Variants in NLRP5 observed in about 807,000 individuals in gnomAD.
NLRP5 encodes NLR family pyrin domain containing 5.
In NLRP5, 93 loss-of-function variants were observed where a neutral mutation model predicts 113.1. That is an observed-to-expected ratio of 0.82 (90% CI 0.70 to 0.98). NLRP5 has a LOEUF of 0.98. Ranked by LOEUF, NLRP5 falls within the 50% of genes least tolerant of loss-of-function variation. The pLI, the probability that NLRP5 is intolerant of heterozygous loss-of-function variation, is 0.00. For synonymous variants in NLRP5, 751 were observed against 600.7 expected, an observed-to-expected ratio of 1.25 and a Z score of -3.66; for missense variants, 1,808 against 1,514.3, an observed-to-expected ratio of 1.19 and a Z score of -3.22.
At chr19:56,000,457 C>G (rs550914135) in intron 1 of NLRP5, among the ~76,000 whole-genome samples, 1 of 152,096 alleles carries the variant, frequency 6.6e-6, no homozygotes, top group African/African-American at 2.4e-5. Flanking sequence ...CTCCGACTCC[C>G]GGGTTCACAC....
intron 10 of NLRP5, among the ~76,000 whole-genome samples, chr19:56,039,136 T>TG (rs61311664): frequency 0.19 from 28,501 of 152,142 alleles, 2,985 homozygotes; most frequent in East Asian, 0.29. Context: ...GAGCAGGTGC[T>TG]GTTGATAACC....
upstream of NLRP5, among the ~76,000 whole-genome samples, chr19:55,995,191 AC>A (rs1213364445): frequency 6.6e-6 from 1 of 152,076 alleles, no homozygotes; most frequent in Non-Finnish European, 1.5e-5. Flanking sequence ...GGGGAACATC[AC>A]ACACTGGGGC....
chr19:56,022,268 G>C (rs2123295837), intron 6 of NLRP5, among the ~76,000 whole-genome samples: 1 of 152,256 alleles, frequency 6.6e-6, no homozygotes, highest in African/African-American at 2.4e-5. Context: ...CGCCCAGGCT[G>C]AAGTACAGTG....
At chr19:56,060,483 T>G (rs1984310027) in intron 14 of NLRP5, among the ~76,000 whole-genome samples, 1 of 152,166 alleles carries the variant, frequency 6.6e-6, no homozygotes, top group Admixed American at 6.5e-5. Context: ...AATGACGTTC[T>G]TCGAGAATCT....
rs1481641322 is a variant in NLRP5 at position 56,055,804 on chromosome 19, CA to C, written c.3299+1999del. Among the ~76,000 whole-genome samples, 3 of 152,018 alleles carry C rather than the reference CA, an allele frequency of 2.0e-5. No individual in the cohort carries two copies. The East Asian group carries it at 5.8e-4, about 29-fold the overall frequency. ...TCATGATCTGCCCGCCTTGGCCTCC[CA>C]AAGTGCTGGGATTACAGGCATAAGC... is the stretch of plus-strand genomic sequence containing the variant. On this transcript the variant is annotated intron_variant, in intron 13 of 14. Transcript: ENST00000390649.
intron 3 of NLRP5, among the ~76,000 whole-genome samples, chr19:56,009,849 G>C (rs1447755017): frequency 6.6e-6 from 1 of 152,140 alleles, no homozygotes; most frequent in Non-Finnish European, 1.5e-5. Context: ...TGGGGAAAGA[G>C]CTCTTCAAAG....
chr19:56,057,921 G>A (rs937532600), intron 13 of NLRP5, among the ~76,000 whole-genome samples: 1 of 151,766 alleles, frequency 6.6e-6, no homozygotes, highest in Non-Finnish European at 1.5e-5. Flanking sequence ...CAGCTACTCC[G>A]GAGGCTAAGG....
chr19:56,061,538 A>C lies in NLRP5; in HGVS notation c.*10A>C. 1 of 1,613,906 alleles carries C rather than the reference A, an allele frequency of 6.2e-7. No homozygotes were observed. Among genetic ancestry groups the C allele is most frequent in the Non-Finnish European group, 8.5e-7 (1 of 1,179,840 alleles). ...CTGGTGGAAAAACTGAAGATACGGA[A>C]ACCTGCCCCACTCACACCCATCTGA... On this transcript the variant is annotated 3_prime_UTR_variant, in exon 15 of 15. Coordinates refer to ENST00000390649, the MANE Select transcript of NLRP5 (RefSeq NM_153447.4).
At chr19:56,016,796 A>G (rs1256824509) in intron 4 of NLRP5, among the ~76,000 whole-genome samples, 1 of 152,146 alleles carries the variant, frequency 6.6e-6, no homozygotes, top group African/African-American at 2.4e-5. Flanking sequence ...TTAGAGCTGA[A>G]TAACCCATTG....
At chr19:56,037,928 A>G (rs1983379380) in intron 9 of NLRP5, 97 bp from the exon 10 acceptor site, 1 of 1,297,694 alleles carries the variant, frequency 7.7e-7, no homozygotes, top group Non-Finnish European at 1.1e-6. Context: ...TTCGAGGACC[A>G]GGAAAACGGC....
In NLRP5 at chr19:56,033,590, C is replaced by T. The variant is rs754155725; in HGVS notation, c.2496C>T (p.Ile832=). ...CTGGTGTGCAGCACCTCTGGAGAAT[C>T]GTCATGGCCAACCGTAACCTAAGAT... The change falls in exon 9 of 15, where the codon ATC becomes ATT. Residue 832 remains isoleucine, a synonymous_variant. Coordinates refer to ENST00000390649, the MANE Select transcript of NLRP5 (RefSeq NM_153447.4). The T allele has an allele frequency of 2.5e-6, 4 of 1,613,774 alleles. No individual in the cohort carries two copies. The highest frequency in any genetic ancestry group is 1.7e-6 in the Non-Finnish European group (2 of 1,179,704).
At chr19:56,010,890 A>G (rs956578784) in intron 3 of NLRP5, among the ~76,000 whole-genome samples, 2 of 150,594 alleles carry the variant, frequency 1.3e-5, no homozygotes, top group Non-Finnish European at 3.0e-5. Context: ...AGTGACTCAT[A>G]CCTGTAATCC....
intron 5 of NLRP5, among the ~76,000 whole-genome samples, 167 bp downstream of exon 5, chr19:56,019,565 A>G (rs1331634733): frequency 6.6e-6 from 1 of 152,086 alleles, no homozygotes; most frequent in East Asian, 1.9e-4. Context: ...AGTACCATGG[A>G]TAGAGCTACG....
chr19:56,014,128 T>C (rs576322756), intron 3 of NLRP5, among the ~76,000 whole-genome samples: 1 of 152,316 alleles, frequency 6.6e-6, no homozygotes, highest in East Asian at 1.9e-4. Flanking sequence ...GGGCTTTTAT[T>C]TTACAAGACA....
chr19:56,010,183 C>T lies in NLRP5; in HGVS notation c.508+1330C>T, dbSNP rs541791139. On this transcript the variant is annotated intron_variant, in intron 3 of 14. Transcript: ENST00000390649. ...TCTTGAGACCACTTGGATCACGCAC[C>T]GTGCCAGTGCTTTAGTCCATGCTTC... 4.0e-5 allele frequency among the ~76,000 whole-genome samples: 6 copies of T among 151,308 alleles called. No individual in the cohort carries two copies. The East Asian group carries it at 5.8e-4, about 15-fold the overall frequency.
At chr19:55,992,048 G>A in the NLRP5 span, among the ~76,000 whole-genome samples, 1 of 150,544 alleles carries the variant, frequency 6.6e-6, no homozygotes, top group African/African-American at 2.4e-5. Context: ...GTAGACCCCA[G>A]TATCTGTGGT....
chr19:56,023,329 A>C (rs1982689314), intron 6 of NLRP5, among the ~76,000 whole-genome samples: 2 of 152,118 alleles, frequency 1.3e-5, no homozygotes, highest in Admixed American at 1.3e-4. Context: ...CAGCAAATAG[A>C]GGTTCTAGTC....
At chr19:56,014,195 A>T (rs1236116592) in intron 3 of NLRP5, among the ~76,000 whole-genome samples, 1 of 152,090 alleles carries the variant, frequency 6.6e-6, no homozygotes, top group Non-Finnish European at 1.5e-5. Context: ...AAAATTGTTT[A>T]ACCCAGCTGG....
chr19:56,021,934 T>G (rs1007329331), intron 6 of NLRP5, among the ~76,000 whole-genome samples: 1 of 152,204 alleles, frequency 6.6e-6, no homozygotes, highest in Non-Finnish European at 1.5e-5. Context: ...TGGGTGGTGA[T>G]GCCAGGAGTC....
Sources: allele counts gnomAD v4.1 joint callset (sites outside exome capture counted in the v4.1 genomes callset), GRCh38; gene constraint gnomAD v4.1.1; transcripts MANE v1.5; gene names NCBI Gene and HGNC (gene_info 2026-07-23, HGNC 2026-07-21).